ZBTB16: variants seen among roughly 807,000 people sequenced by gnomAD.
ZBTB16 encodes the protein zinc finger and BTB domain-containing protein 16.
Under a neutral mutation model 56.8 loss-of-function variants are expected in ZBTB16, and 8 were observed. That is an observed-to-expected ratio of 0.14 (90% CI 0.08 to 0.25). ZBTB16 has a LOEUF of 0.25. Ranked by LOEUF, ZBTB16 falls within the 10% of genes least tolerant of loss-of-function variation. The pLI, the probability that ZBTB16 is intolerant of heterozygous loss-of-function variation, is 1.00. For synonymous variants in ZBTB16, 363 were observed against 368.5 expected (o/e 0.98, Z 0.17); for missense variants, 625 against 903.0 (o/e 0.69, Z 3.95).
chr11:114,099,296 TGAG>T (rs1203141213), intron 2 of ZBTB16, among the ~76,000 whole-genome samples: 1 of 152,156 alleles, frequency 6.6e-6, no homozygotes, highest in African/African-American at 2.4e-5. Flanking sequence ...TTTTTCCCCA[TGAG>T]GAGGAGATGT....
chr11:114,255,699 C>T lies in ZBTB16; in HGVS notation c.*5144C>T, dbSNP rs191126460. 1.3e-4 allele frequency among the ~76,000 whole-genome samples: 18 copies of T among 135,546 alleles called. 1 individual carries two copies. The highest frequency in any genetic ancestry group is 4.8e-4 in the African/African-American group (17 of 35,748). 88.9% of individuals were successfully genotyped at this position (135,546 alleles called of 152,430 possible). A position where few individuals can be genotyped will look rare whatever the true frequency, so the allele number is the denominator to read the frequency against. On this transcript the variant is annotated 3_prime_UTR_variant, in exon 7 of 7. Coordinates refer to ENST00000335953, the MANE Select transcript of ZBTB16 (RefSeq NM_006006.6). ...AGATTGACGCGTTTCTTTGTAATTT[C>T]AGTGTTTCTGACAAGATTTAAAAAA...
At chr11:114,076,949 C>T (rs1339315311) in intron 2 of ZBTB16, among the ~76,000 whole-genome samples, 7 of 152,088 alleles carry the variant, frequency 4.6e-5, no homozygotes, top group Non-Finnish European at 1.0e-4. Flanking sequence ...CTAAATATTC[C>T]CCAGCAGCCA....
At chr11:114,111,188 C>T (rs139002864) in intron 2 of ZBTB16, among the ~76,000 whole-genome samples, 18 of 116,420 alleles carry the variant, frequency 1.5e-4, no homozygotes, top group East Asian at 2.5e-4. Context: ...TGTGCACGCG[C>T]GAGATAACTT....
chr11:114,245,535 A>G (rs1027006261), intron 5 of ZBTB16, among the ~76,000 whole-genome samples: 2 of 152,174 alleles, frequency 1.3e-5, no homozygotes, highest in Non-Finnish European at 2.9e-5. Context: ...ATGTGGGTAC[A>G]GGGGCCTAAC....
chr11:114,237,948 C>T lies in ZBTB16; in HGVS notation c.1454-4219C>T, dbSNP rs114737925. ...CCCTGGGAGCCTTGGTTGGTGGATA[C>T]GTGACCAAGGAGCACCCCTGCACCT... On this transcript the variant is annotated intron_variant, in intron 4 of 6. Coordinates refer to ENST00000335953, the MANE Select transcript of ZBTB16 (RefSeq NM_006006.6). 4.1e-3 allele frequency among the ~76,000 whole-genome samples: 618 copies of T among 152,250 alleles called. 3 individuals are homozygous for T. Among genetic ancestry groups the T allele is most frequent in the African/African-American group, 0.012 (513 of 41,538 alleles).
intron 2 of ZBTB16, among the ~76,000 whole-genome samples, chr11:114,069,072 C>G (rs948799034): frequency 2.0e-5 from 3 of 152,090 alleles, no homozygotes; most frequent in South Asian, 2.1e-4. Flanking sequence ...CAGACACCGT[C>G]GCAACTCTTG....
chr11:114,216,893 A>G (rs1474765758), intron 4 of ZBTB16, among the ~76,000 whole-genome samples: 2 of 152,186 alleles, frequency 1.3e-5, no homozygotes, highest in Non-Finnish European at 2.9e-5. Context: ...GAAGACAGAC[A>G]CATAAACAGG....
At chr11:114,157,829 G>T (rs1463824966) in intron 3 of ZBTB16, among the ~76,000 whole-genome samples, 1 of 152,080 alleles carries the variant, frequency 6.6e-6, no homozygotes, top group African/African-American at 2.4e-5. Flanking sequence ...ATCTCTCTCA[G>T]CGCGTCTACT....
At chr11:114,166,459 C>T (rs1166644100) in intron 3 of ZBTB16, among the ~76,000 whole-genome samples, 1 of 151,894 alleles carries the variant, frequency 6.6e-6, no homozygotes, top group Non-Finnish European at 1.5e-5. Flanking sequence ...AATCAGAACA[C>T]CATGTGTGCA....
chr11:114,245,498 CAG>C (rs2135207318), intron 5 of ZBTB16, among the ~76,000 whole-genome samples: 1 of 152,298 alleles, frequency 6.6e-6, no homozygotes, highest in East Asian at 1.9e-4. Flanking sequence ...AAAAACCCCT[CAG>C]AGCCATCAGA....
At chr11:114,110,429 C>A (rs563044513) in intron 2 of ZBTB16, among the ~76,000 whole-genome samples, 86 of 152,256 alleles carry the variant, frequency 5.6e-4, no homozygotes, top group African/African-American at 2.0e-3. Context: ...AAGCCTTTGC[C>A]CAGCCAGTAA....
At chr11:114,159,456 C>T (rs752492358) in intron 3 of ZBTB16, among the ~76,000 whole-genome samples, 5 of 152,174 alleles carry the variant, frequency 3.3e-5, no homozygotes, top group Admixed American at 6.5e-5. Context: ...AGATAGCTCA[C>T]GGCCTATATT....
intron 2 of ZBTB16, among the ~76,000 whole-genome samples, chr11:114,155,346 G>C (rs1402623451): frequency 1.3e-5 from 2 of 152,224 alleles, no homozygotes; most frequent in African/African-American, 4.8e-5. Context: ...GTGGGCGGCA[G>C]CTTGGAGCCT....
chr11:114,067,108 G>A (rs1160398094), intron 2 of ZBTB16, among the ~76,000 whole-genome samples: 3 of 152,140 alleles, frequency 2.0e-5, no homozygotes, highest in Non-Finnish European at 2.9e-5. Flanking sequence ...CAACAGGGTT[G>A]GTGCTGAATT....
At chr11:114,191,860 G>A (rs1359480346) in intron 4 of ZBTB16, among the ~76,000 whole-genome samples, 1 of 152,144 alleles carries the variant, frequency 6.6e-6, no homozygotes, top group African/African-American at 2.4e-5. Flanking sequence ...TAGGGAAGGG[G>A]GAAAAGTAGT....
At chr11:114,083,681 G>A (rs868737243) in intron 2 of ZBTB16, among the ~76,000 whole-genome samples, 6 of 152,118 alleles carry the variant, frequency 3.9e-5, no homozygotes, top group South Asian at 4.1e-4. Flanking sequence ...AGGCTCTCCC[G>A]TGTTCTGTAC....
At chr11:114,072,185 C>T (rs529465740) in intron 2 of ZBTB16, among the ~76,000 whole-genome samples, 60 of 152,336 alleles carry the variant, frequency 3.9e-4, no homozygotes, top group African/African-American at 1.4e-3. Context: ...TCCGCATAGG[C>T]GTCAATCCGT....
At position 114,255,093 on chromosome 11, in the gene ZBTB16, G is replaced by A. The variant is rs1265651197; in HGVS notation, c.*4538G>A. Among the ~76,000 whole-genome samples, 3 of 152,118 alleles carry A rather than the reference G, an allele frequency of 2.0e-5. No homozygotes were observed. Among genetic ancestry groups the A allele is most frequent in the African/African-American group, 4.8e-5 (2 of 41,414 alleles). ...GGTGGTGCACCATGACATCCAACCCGTATATATAAAGATAAATATATATAT... is the reference window on the plus strand; with the variant it reads ...GGTGGTGCACCATGACATCCAACCCATATATATAAAGATAAATATATATAT... On this transcript the variant is annotated 3_prime_UTR_variant, in exon 7 of 7. Transcript: ENST00000335953.
chr11:114,211,996 A>G (rs1286442553), intron 4 of ZBTB16, among the ~76,000 whole-genome samples: 1 of 152,150 alleles, frequency 6.6e-6, no homozygotes, highest in East Asian at 1.9e-4. Flanking sequence ...GTGATTGATT[A>G]TCTGGTATTT....
Sources: gnomAD v4.1 joint callset for allele counts (sites outside exome capture counted in the v4.1 genomes callset) on GRCh38, gnomAD v4.1.1 for gene constraint, MANE v1.5 for transcripts, NCBI Gene and HGNC (gene_info 2026-07-23, HGNC 2026-07-21) for gene names.